Variants in KIF24 observed in about 807,000 individuals in gnomAD.
KIF24 encodes kinesin-like protein KIF24.
In KIF24, 81 loss-of-function variants were observed where a neutral mutation model predicts 118.9. The observed-to-expected ratio is 0.68, with a 90% CI of 0.57 to 0.82. The LOEUF is 0.82. KIF24 is among the 40% of genes least tolerant of loss of function. The pLI is 0.00. For synonymous variants in KIF24, 599 were observed against 610.0 expected, an observed-to-expected ratio of 0.98 and a Z score of 0.27; for missense variants, 1,560 against 1,661.6, an observed-to-expected ratio of 0.94 and a Z score of 1.06.
rs1834687641 is a variant in KIF24, at chr9:34,253,469, G to A, written c.*911C>T. Reference sequence around the variant, plus strand: ...CTCAGACTGTTGAACAGAGCACTCTGTTCAACTGCCAAGGTTCCCAACACA... The same window carrying A: ...CTCAGACTGTTGAACAGAGCACTCTATTCAACTGCCAAGGTTCCCAACACA... On this transcript the variant is annotated 3_prime_UTR_variant, in exon 13 of 13. Coordinates refer to ENST00000402558, the MANE Select transcript of KIF24 (RefSeq NM_194313.4). 6.6e-6 allele frequency: 1 copy of A among 152,238 alleles called. No homozygotes were observed. The highest frequency in any genetic ancestry group is 1.5e-5 in the Non-Finnish European group (1 of 68,058). The allele number at this position is 152,238 out of a possible 1,614,324, so 9.4% of individuals were successfully genotyped here.
chr9:34,253,892 G>A lies in KIF24; in HGVS notation c.*488C>T, dbSNP rs1190083703. 6.5e-6 allele frequency: 1 copy of A among 152,920 alleles called. No homozygotes were observed. Among genetic ancestry groups the A allele is most frequent in the African/African-American group, 2.4e-5 (1 of 41,458 alleles). The allele number at this position is 152,920 out of a possible 1,614,324, so 9.5% of individuals were successfully genotyped here. On this transcript the variant is annotated 3_prime_UTR_variant, in exon 13 of 13. Coordinates refer to ENST00000402558, the MANE Select transcript of KIF24 (RefSeq NM_194313.4). ...AGCTCACCCCACCCCTGTCCCCCTAGCACCAATGGTTAAGTTTGGGCCAGT... is the reference window on the plus strand; with the variant it reads ...AGCTCACCCCACCCCTGTCCCCCTAACACCAATGGTTAAGTTTGGGCCAGT...
chr9:34,318,523 A>T lies in KIF24; in HGVS notation c.-25-7152T>A, dbSNP rs1837403518. The T allele has an allele frequency of 2.1e-6, 2 of 948,772 alleles. No homozygotes were observed. The highest frequency in any genetic ancestry group is 1.9e-5 in the Admixed American group (1 of 52,202). The allele number at this position is 948,772 out of a possible 1,614,324, so 58.8% of individuals were successfully genotyped here. ...CCGCAGAGAAGCTGAGCCCCAAGGC[A>T]GCCACGCTGGCCGAACACAGCGCCG... On this transcript the variant is annotated intron_variant, in intron 1 of 12. Transcript: ENST00000402558. The surrounding 1 kb of genome is among the most constrained non-coding windows in gnomAD (Gnocchi z 4.9).
chr9:34,317,144 G>A (rs1231881247), intron 1 of KIF24, among the ~76,000 whole-genome samples: 1 of 151,954 alleles, frequency 6.6e-6, no homozygotes, highest in South Asian at 2.1e-4. Context: ...CTTGTACCGG[G>A]AAAGTGGAGG....
At chr9:34,317,713 C>G (rs1254125363) in intron 1 of KIF24, among the ~76,000 whole-genome samples, 1 of 152,178 alleles carries the variant, frequency 6.6e-6, no homozygotes, top group African/African-American at 2.4e-5. Flanking sequence ...GTTACCAGAT[C>G]AACTGTGGGG....
At chr9:34,285,314 T>A (rs181674600) in intron 6 of KIF24, among the ~76,000 whole-genome samples, 53 of 152,278 alleles carry the variant, frequency 3.5e-4, no homozygotes, top group Middle Eastern at 3.4e-3. Flanking sequence ...CATGTGATAG[T>A]ATTACTTATT....
At chr9:34,279,889 G>A (rs1205565607) in intron 6 of KIF24, among the ~76,000 whole-genome samples, 1 of 152,176 alleles carries the variant, frequency 6.6e-6, no homozygotes, top group Non-Finnish European at 1.5e-5. Context: ...CTTCCTCCTT[G>A]TACAACACCA....
chr9:34,259,567 CACA>C (rs1187516063), intron 10 of KIF24, 26 bp downstream of exon 10: 4 of 1,556,430 alleles, frequency 2.6e-6, no homozygotes, highest in Non-Finnish European at 3.5e-6. Context: ...CACACTTACA[CACA>C]ACCTGCCATC....
intron 4 of KIF24, among the ~76,000 whole-genome samples, chr9:34,296,790 G>A (rs1331736775): frequency 6.6e-6 from 1 of 151,502 alleles, no homozygotes; most frequent in Non-Finnish European, 1.5e-5. Flanking sequence ...TAGACACAGA[G>A]AAATAATATC....
chr9:34,270,753 C>A (rs150632962), intron 7 of KIF24, among the ~76,000 whole-genome samples: 1 of 151,464 alleles, frequency 6.6e-6, no homozygotes, highest in Admixed American at 6.6e-5. Flanking sequence ...CCACCATCAG[C>A]CTACCACTTA....
At chr9:34,262,577 C>A (rs962410817) in intron 9 of KIF24, among the ~76,000 whole-genome samples, 3 of 133,026 alleles carry the variant, frequency 2.3e-5, no homozygotes, top group South Asian at 4.9e-4. Context: ...AAGGCTGAGG[C>A]AGGCGGATCG....
Position 34,256,251 on chromosome 9 carries a change from G to T in KIF24, c.3356C>A (p.Pro1119His). 1 of 1,605,744 alleles carries T rather than the reference G, an allele frequency of 6.2e-7. No individual in the cohort carries two copies. The highest frequency in any genetic ancestry group is 8.5e-7 in the Non-Finnish European group (1 of 1,175,542). Reference sequence around the variant, plus strand: ...AAGATCACCACCAGGCTTATTATCAGGGGGAGATGAGGACAGCCACAGGTG... The same window carrying T: ...AAGATCACCACCAGGCTTATTATCATGGGGAGATGAGGACAGCCACAGGTG... The part of the protein sequence containing the change: ...TRHLWLSSSP[P>H]DNKPGGDLPA... Residue 1119 changes from proline (P) to histidine (H), a missense_variant, in exon 11 of 13, where the codon CCT (proline) becomes CAT (histidine). Transcript: ENST00000402558.
chr9:34,309,976 T>TTC (rs1180069844), intron 2 of KIF24, among the ~76,000 whole-genome samples: 1 of 151,968 alleles, frequency 6.6e-6, no homozygotes, highest in East Asian at 1.9e-4. Context: ...GTACTTTTTT[T>TTC]TTTTTTTTAC....
At chr9:34,304,637 TG>T (rs1836845339) in intron 3 of KIF24, among the ~76,000 whole-genome samples, 1 of 152,132 alleles carries the variant, frequency 6.6e-6, no homozygotes, top group Non-Finnish European at 1.5e-5. Context: ...TAATAGACCG[TG>T]CATTGATCAG....
chr9:34,309,232 C>T (rs933600004), intron 2 of KIF24, among the ~76,000 whole-genome samples: 1 of 151,914 alleles, frequency 6.6e-6, no homozygotes, highest in African/African-American at 2.4e-5. Context: ...ATGTACTGTT[C>T]AGTAAAAAAG....
At chr9:34,297,608 A>G (rs755479569) in intron 3 of KIF24, among the ~76,000 whole-genome samples, 18 of 152,186 alleles carry the variant, frequency 1.2e-4, no homozygotes, top group Middle Eastern at 3.4e-3. Flanking sequence ...TAAAAATACA[A>G]AAATTTAGCC....
intron 1 of KIF24, chr9:34,319,581 A>T: frequency 9.6e-7 from 1 of 1,036,938 alleles, no homozygotes; most frequent in Non-Finnish European, 1.5e-6. Context: ...GGTGTGGGAC[A>T]CCCAGAGCGG....
chr9:34,333,279 G>T (rs925960127), upstream of KIF24, among the ~76,000 whole-genome samples: 3 of 151,958 alleles, frequency 2.0e-5, no homozygotes, highest in Non-Finnish European at 4.4e-5. Flanking sequence ...AACCTTTTTG[G>T]TGGAAATGAT....
chr9:34,297,136 A>T, intron 3 of KIF24, 22 bp from the exon 4 acceptor site: 1 of 1,360,512 alleles, frequency 7.4e-7, no homozygotes, highest in Non-Finnish European at 1.0e-6. Context: ...ATTTGATTTT[A>T]TGGAAAGAGA....
chr9:34,259,477 GGA>G (rs1834974103), intron 10 of KIF24, 117 bp downstream of exon 10: 1 of 730,348 alleles, frequency 1.4e-6, no homozygotes, highest in African/African-American at 1.7e-5. Context: ...TGTGTGAGTG[GGA>G]GAGACATGTG....
Sources: allele counts gnomAD v4.1 joint callset (sites outside exome capture counted in the v4.1 genomes callset), GRCh38; gene constraint gnomAD v4.1.1; non-coding constraint Gnocchi (gnomAD v3.1); transcripts MANE v1.5; gene names NCBI Gene and HGNC (gene_info 2026-07-23, HGNC 2026-07-21).